Variants in PSMD9 observed in about 807,000 individuals in gnomAD.
PSMD9 encodes the protein proteasome 26S subunit, non-ATPase 9.
In PSMD9, 26 loss-of-function variants were observed where a neutral mutation model predicts 25.9. That is an observed-to-expected ratio of 1.00 (90% confidence interval 0.73 to 1.39). The LOEUF (loss-of-function observed/expected upper bound fraction) is 1.39, where lower values mean the gene tolerates loss of function less well. Ranked by LOEUF, PSMD9 falls within the 40% of genes most tolerant of loss-of-function variation. PSMD9 has a pLI of 0.00. For missense variants in PSMD9, 303 were observed against 299.3 expected (o/e 1.01, Z -0.09); for synonymous variants, 110 against 114.5 (o/e 0.96, Z 0.25).
intron 4 of PSMD9, among the ~76,000 whole-genome samples, chr12:121,912,009 A>G (rs573210746): frequency 4.9e-4 from 25 of 51,522 alleles, no homozygotes; most frequent in Non-Finnish European, 1.0e-3. Flanking sequence ...GAGCTTGCTT[A>G]TTTATTTATT....
intron 4 of PSMD9, among the ~76,000 whole-genome samples, chr12:121,903,695 C>G (rs183334586): frequency 9.9e-5 from 15 of 151,806 alleles, no homozygotes; most frequent in Non-Finnish European, 1.5e-4. Context: ...AACCCAAATT[C>G]CCCTCTCCTC....
At chr12:121,901,693 T>G (rs1280978705) in intron 3 of PSMD9, among the ~76,000 whole-genome samples, 2 of 105,354 alleles carry the variant, frequency 1.9e-5, no homozygotes, top group African/African-American at 3.1e-5. Context: ...TTTTTTTTTT[T>G]GAGACGGAGT....
chr12:121,889,219 T>A (rs150458034), intron 1 of PSMD9, among the ~76,000 whole-genome samples: 5 of 152,372 alleles, frequency 3.3e-5, no homozygotes, highest in Middle Eastern at 3.4e-3. Context: ...GGAGCCCTGC[T>A]GTGTGCTAGG....
At chr12:121,899,313 C>T (rs907811056) in intron 2 of PSMD9, 4 of 316,578 alleles carry the variant, frequency 1.3e-5, no homozygotes, top group Non-Finnish European at 2.4e-5. Flanking sequence ...TCCTTCTGCT[C>T]ACCTCTCAGG....
chr12:121,907,407 A>G (rs1879594001), intron 4 of PSMD9, among the ~76,000 whole-genome samples: 1 of 144,560 alleles, frequency 6.9e-6, no homozygotes, highest in African/African-American at 2.6e-5. Context: ...TTTATTTGAG[A>G]TGGAGTCTTG....
rs1226978205 is a variant in PSMD9 at position 121,888,864 on chromosome 12, A to C, written c.8A>C (p.Asp3Ala). ...CGCGGCCCGGGGTTCACGATGTCCGACGAGGAAGCGAGGCAGAGCGGAGGC... is the reference window on the plus strand; with the variant it reads ...CGCGGCCCGGGGTTCACGATGTCCGCCGAGGAAGCGAGGCAGAGCGGAGGC... MS[D>A]EEARQSGGSS... The change falls in exon 1 of 6, where the codon GAC (aspartate) becomes GCC (alanine). Residue 3 changes from aspartate (D) to alanine (A), a missense_variant. Physicochemically the swap from Asp to Ala is moderately radical, Grantham distance 126. Transcript: ENST00000541212. 5.6e-6 allele frequency: 9 copies of C among 1,603,854 alleles called. No homozygotes were observed. The highest frequency in any genetic ancestry group is 7.7e-6 in the Non-Finnish European group (9 of 1,176,192).
intron 2 of PSMD9, chr12:121,898,120 G>A (rs1248338242): frequency 6.6e-5 from 10 of 152,124 alleles, no homozygotes; most frequent in Admixed American, 6.6e-4. Flanking sequence ...CACTTGTTCA[G>A]ATCTGGGTTC....
intron 1 of PSMD9, among the ~76,000 whole-genome samples, chr12:121,890,162 C>G (rs1879023348): frequency 1.3e-5 from 2 of 152,262 alleles, no homozygotes; most frequent in South Asian, 4.1e-4. Flanking sequence ...GGTGATCCGC[C>G]CACCTTGGCC....
At chr12:121,907,354 G>A (rs1879592053) in intron 4 of PSMD9, among the ~76,000 whole-genome samples, 1 of 151,738 alleles carries the variant, frequency 6.6e-6, no homozygotes, top group Admixed American at 6.6e-5. Flanking sequence ...ACAGGCGTGA[G>A]CCACTGTGCC....
At chr12:121,898,464 G>C (rs930268953) in intron 2 of PSMD9, 2 of 152,172 alleles carry the variant, frequency 1.3e-5, no homozygotes, top group Non-Finnish European at 2.9e-5. Context: ...CCCTGTAGCA[G>C]GGGTGCCCTT....
In PSMD9 at chr12:121,896,767, C is replaced by T. The variant is rs557479838; in HGVS notation, c.241+1926C>T. 1.6e-3 allele frequency among the ~76,000 whole-genome samples: 237 copies of T among 145,434 alleles called. 4 individuals carry two copies. The highest frequency in any genetic ancestry group is 3.0e-4 in the Non-Finnish European group (20 of 67,364). ...AGGAGAATCACTTGAACCCAGGAGG[C>T]GGAGGTTGCCGTGAGCCGAGATTGT... On this transcript the variant is annotated intron_variant, in intron 2 of 5. Transcript: ENST00000541212.
At chr12:121,899,310 G>A in intron 2 of PSMD9, 1 of 311,882 alleles carries the variant, frequency 3.2e-6, no homozygotes, top group South Asian at 4.8e-5. Flanking sequence ...CCTTCCTTCT[G>A]CTCACCTCTC....
chr12:121,893,904 A>T (rs1049177333), intron 1 of PSMD9: 1 of 152,124 alleles, frequency 6.6e-6, no homozygotes, highest in Non-Finnish European at 1.5e-5. Context: ...TGTGCTAAGT[A>T]CTCTGCAGGT....
chr12:121,894,392 C>G, intron 1 of PSMD9: 1 of 210,620 alleles, frequency 4.7e-6, no homozygotes, highest in Non-Finnish European at 9.8e-6. Context: ...GGGCCAGCAG[C>G]CAGGTGTCAG....
At position 121,916,268 on chromosome 12, in the gene PSMD9, T is replaced by C; in HGVS notation, c.645-16T>C. 1.2e-6 allele frequency: 2 copies of C among 1,614,124 alleles called. No homozygotes were observed. The highest frequency in any genetic ancestry group is 1.7e-6 in the Non-Finnish European group (2 of 1,179,956). ...AGCCTCCAAACTTACGCCATTCCTT[T>C]TCTTCTTTCTTCCAGCTGCAACATT... On this transcript the variant is annotated splice_polypyrimidine_tract_variant and intron_variant, in intron 5 of 5. Transcript: ENST00000541212.
intron 4 of PSMD9, among the ~76,000 whole-genome samples, chr12:121,909,380 C>T (rs975417103): frequency 6.6e-6 from 1 of 151,094 alleles, no homozygotes; most frequent in Non-Finnish European, 1.5e-5. Flanking sequence ...GTGGTGCAAT[C>T]ATAGCTCACT....
Position 121,894,851 on chromosome 12 carries a change from C to T in PSMD9, c.241+10C>T, listed in dbSNP as rs1250132500. 5 of 1,608,358 alleles carry T rather than the reference C, an allele frequency of 3.1e-6. No individual in the cohort carries two copies. In the East Asian group the frequency reaches 6.7e-5, roughly 22 times the overall value. On this transcript the variant is annotated intron_variant, in intron 2 of 5. Coordinates refer to ENST00000541212, the MANE Select transcript of PSMD9 (RefSeq NM_002813.7). ...AGGCACAACATCATATGTGAGTGGC[C>T]CTCTTAGAAGACTTTCCCCACCTTG...
chr12:121,899,789 C>T lies in PSMD9; in HGVS notation c.397C>T (p.Pro133Ser). The T allele has an allele frequency of 6.2e-7, 1 of 1,614,114 alleles. No individual in the cohort carries two copies. The highest frequency in any genetic ancestry group is 1.1e-5 in the South Asian group (1 of 91,082). ...KLGQSESQGP[P>S]RAFAKVNSIS... ...GGGTCAGAGTGAGAGCCAGGGCCCT[C>T]CACGGGCCTTCGCCAAAGTGAACAG... Residue 133 changes from proline to serine, a missense_variant, in exon 3 of 6, where the codon CCA becomes TCA. Pro to Ser is a moderately conservative substitution (Grantham distance 74). Coordinates refer to ENST00000541212, the MANE Select transcript of PSMD9 (RefSeq NM_002813.7).
At chr12:121,916,006 A>T (rs927424457) in intron 5 of PSMD9, 62 bp downstream of exon 5, 14 of 1,523,994 alleles carry the variant, frequency 9.2e-6, no homozygotes, top group Non-Finnish European at 1.1e-5. Flanking sequence ...TTAAACATGA[A>T]GCTGGAGGGG....
Sources: allele counts gnomAD v4.1 joint callset (sites outside exome capture counted in the v4.1 genomes callset), GRCh38; gene constraint gnomAD v4.1.1; transcripts MANE v1.5; gene names NCBI Gene and HGNC (gene_info 2026-07-23, HGNC 2026-07-21).